TIMELESS: variants seen among roughly 807,000 people sequenced by gnomAD.
TIMELESS encodes the protein timeless circadian regulator, also known as protein timeless homolog.
TIMELESS carries 124 observed loss-of-function variants against 164.3 expected under a neutral mutation model. That is an observed-to-expected ratio of 0.75 (90% CI 0.65 to 0.88). The LOEUF is 0.88. TIMELESS is among the 40% of genes least tolerant of loss of function. The pLI, the probability that TIMELESS is intolerant of heterozygous loss-of-function variation, is 0.00. For missense variants in TIMELESS, 1,422 were observed against 1,491.4 expected (o/e 0.95, Z 0.77); for synonymous variants, 564 against 563.4 (o/e 1.00, Z -0.02).
chr12:56,418,142 G>A lies in TIMELESS; in HGVS notation c.3446C>T (p.Ser1149Phe). 1 of 1,614,222 alleles carries A rather than the reference G, an allele frequency of 6.2e-7. No homozygotes were observed. The highest frequency in any genetic ancestry group is 8.5e-7 in the Non-Finnish European group (1 of 1,180,036). Residue 1149 changes from serine to phenylalanine, a missense_variant, in exon 27 of 29, where the codon TCC becomes TTC. By Grantham distance (155) the Ser-to-Phe change is radical. Transcript: ENST00000553532. ...LAHKKKAGLA[S>F]PEEEDAVGKE... ...GGCTGTCGCACTATTACCCTCTGGG[G>A]ATGCCAGGCCCGCTTTCTTCTTGTG... is the stretch of plus-strand genomic sequence containing the variant.
At chr12:56,418,444 T>C (rs2643627) in intron 26 of TIMELESS, 85 bp from the exon 27 acceptor site, 946,718 of 952,944 alleles carry the variant, frequency 0.99, 470,503 homozygotes, top group East Asian at 1. Context: ...TATGACCCAA[T>C]ATTGGTGAAG....
intron 16 of TIMELESS, 25 bp from the exon 17 acceptor site, chr12:56,423,732 A>G (rs1881582883): frequency 6.2e-7 from 1 of 1,613,852 alleles, no homozygotes; most frequent in Non-Finnish European, 8.5e-7. Context: ...AGGATTACTG[A>G]GTCTCTGTTA....
intron 26 of TIMELESS, 100 bp downstream of exon 26, chr12:56,420,469 T>TA (rs1881428881): frequency 6.6e-6 from 4 of 606,826 alleles, no homozygotes; most frequent in Admixed American, 6.6e-5. Flanking sequence ...AAGATGACGA[T>TA]AAGGATAAGG....
At chr12:56,436,568 G>T (rs945791844) in intron 1 of TIMELESS, among the ~76,000 whole-genome samples, 4 of 152,194 alleles carry the variant, frequency 2.6e-5, no homozygotes, top group African/African-American at 9.7e-5. Context: ...TTGATGCTAT[G>T]CCAGAGTCAA....
intron 15 of TIMELESS, 59 bp from the exon 16 acceptor site, chr12:56,423,953 T>C: frequency 6.9e-7 from 1 of 1,449,254 alleles, no homozygotes; most frequent in Admixed American, 1.7e-5. Context: ...AAATTTATAA[T>C]TCGAAGTAGA....
intron 1 of TIMELESS, among the ~76,000 whole-genome samples, chr12:56,448,694 A>G (rs1868442411): frequency 1.3e-5 from 2 of 152,154 alleles, no homozygotes; most frequent in Non-Finnish European, 2.9e-5. Context: ...GCGCCACTGC[A>G]CTCCATCCTG....
intron 1 of TIMELESS, among the ~76,000 whole-genome samples, chr12:56,448,395 G>C (rs1433875848): frequency 1.3e-5 from 2 of 150,462 alleles, no homozygotes; most frequent in African/African-American, 2.5e-5. Context: ...GACAGAGCCA[G>C]ACTCCATCTC....
chr12:56,435,311 A>T (rs530515873), intron 1 of TIMELESS, among the ~76,000 whole-genome samples: 1 of 152,238 alleles, frequency 6.6e-6, no homozygotes, highest in South Asian at 2.1e-4. Context: ...GAGTGAATAG[A>T]AACTGGTACA....
intron 15 of TIMELESS, 95 bp from the exon 16 acceptor site, chr12:56,423,989 T>G: frequency 8.7e-7 from 1 of 1,148,026 alleles, no homozygotes; most frequent in African/African-American, 1.5e-5. Context: ...TTATTTCTTT[T>G]GTTGGCCAGA....
rs1868493319 is a variant in TIMELESS, at chr12:56,449,370, A to T, written c.-122T>A. Reference sequence around the variant, plus strand: ...CACCGGCCCTCTGGCGCGGGGCCGCAGCCTTTCCGCCACCAGGCTCAGCTG... The same window carrying T: ...CACCGGCCCTCTGGCGCGGGGCCGCTGCCTTTCCGCCACCAGGCTCAGCTG... On this transcript the variant is annotated 5_prime_UTR_variant, in exon 1 of 29. Coordinates refer to ENST00000553532, the MANE Select transcript of TIMELESS (RefSeq NM_003920.5). 6.6e-6 allele frequency: 1 copy of T among 152,226 alleles called. No homozygotes were observed. Among genetic ancestry groups the T allele is most frequent in the Non-Finnish European group, 1.5e-5 (1 of 68,046 alleles). 9.4% of individuals were successfully genotyped at this position (152,226 alleles called of 1,614,324 possible).
intron 1 of TIMELESS, among the ~76,000 whole-genome samples, chr12:56,439,607 T>TG (rs1868250049): frequency 6.6e-6 from 1 of 151,612 alleles, no homozygotes; most frequent in Non-Finnish European, 1.5e-5. Flanking sequence ...TTGCCCACAC[T>TG]GGTCTCAAAC....
intron 1 of TIMELESS, among the ~76,000 whole-genome samples, chr12:56,446,803 T>TC (rs1868357710): frequency 8.0e-6 from 1 of 124,548 alleles, no homozygotes; most frequent in Admixed American, 8.0e-5. Flanking sequence ...AGAGCAAAAC[T>TC]CCATCTCAAA....
Position 56,424,909 on chromosome 12 carries a change from G to A in TIMELESS, c.1721C>T (p.Ser574Phe). 6.2e-7 allele frequency: 1 copy of A among 1,614,210 alleles called. No individual in the cohort carries two copies. The highest frequency in any genetic ancestry group is 8.5e-7 in the Non-Finnish European group (1 of 1,180,036). The change falls in exon 15 of 29, where the codon TCT becomes TTT. Residue 574 changes from serine to phenylalanine, a missense_variant. Transcript: ENST00000553532. ...AEQLQCCAQN[S>F]ELSMDSVVPF... Reference sequence around the variant, plus strand: ...AACCACGGAGTCCATGCTGAGCTCAGAATTCTAGAGATGGATAAAGCTATG... The same window carrying A: ...AACCACGGAGTCCATGCTGAGCTCAAAATTCTAGAGATGGATAAAGCTATG...
chr12:56,437,117 C>T lies in TIMELESS; in HGVS notation c.-61-2886G>A, dbSNP rs191827750. On this transcript the variant is annotated intron_variant, in intron 1 of 28. Transcript: ENST00000553532. Reference sequence around the variant, plus strand: ...GCTAACTTTGTATTTTTAGTAGAGACGGGGTTTTACCATATTGGCCAGATG... The same window carrying T: ...GCTAACTTTGTATTTTTAGTAGAGATGGGGTTTTACCATATTGGCCAGATG... 7.2e-5 allele frequency among the ~76,000 whole-genome samples: 11 copies of T among 152,110 alleles called. No individual in the cohort carries two copies. In the East Asian group the frequency reaches 7.7e-4, roughly 11 times the overall value.
Position 56,424,889 on chromosome 12 carries a change from C to T in TIMELESS, c.1741G>A (p.Val581Met), listed in dbSNP as rs780865203. Residue 581 changes from valine to methionine, a missense_variant, in exon 15 of 29, where the codon GTG becomes ATG. By Grantham distance (21) the Val-to-Met change is conservative (BLOSUM62 1). Coordinates refer to ENST00000553532, the MANE Select transcript of TIMELESS (RefSeq NM_003920.5). ...AQNSELSMDS[V>M]VPFDAASEVP... ...TCTGAGGCCGCATCAAAGGGAACCA[C>T]GGAGTCCATGCTGAGCTCAGAATTC... 5 of 1,614,186 alleles carry T rather than the reference C, an allele frequency of 3.1e-6. No individual in the cohort carries two copies. The Admixed American group carries it at 6.7e-5, about 22-fold the overall frequency.
Position 56,448,177 on chromosome 12 carries a change from G to C in TIMELESS, c.-62+1133C>G, listed in dbSNP as rs74823498. Reference sequence around the variant, plus strand: ...TCCCAGCACTGTGGGAGGCCGACGCGGGCGGATCATTTGAGGTCAGGAGTT... The same window carrying C: ...TCCCAGCACTGTGGGAGGCCGACGCCGGCGGATCATTTGAGGTCAGGAGTT... On this transcript the variant is annotated intron_variant, in intron 1 of 28. Transcript: ENST00000553532. Among the ~76,000 whole-genome samples the C allele has an allele frequency of 5.3e-4, 81 of 152,162 alleles. 3 individuals carry two copies. The East Asian group carries it at 0.014, about 27-fold the overall frequency.
At chr12:56,428,744 G>T in intron 11 of TIMELESS, 92 bp from the exon 12 acceptor site, 1 of 1,446,740 alleles carries the variant, frequency 6.9e-7, no homozygotes. Flanking sequence ...AAAAAAATGT[G>T]CCACCCAAAC....
Position 56,422,138 on chromosome 12 carries a change from C to T in TIMELESS, c.2492G>A (p.Arg831Gln), listed in dbSNP as rs774047. Residue 831 changes from arginine (R) to glutamine (Q), a missense_variant, in exon 20 of 29, where the codon CGG becomes CAG. Arg to Gln is a conservative substitution (Grantham distance 43, BLOSUM62 1). Transcript: ENST00000553532. ...GTCCTTATTGGCGAGGTACAGCTCC[C>T]GAAGATGAGCCTCTTCTTCGGGGCT... ...TWSPEEEAHL[R>Q]ELYLANKDVE... 0.45 allele frequency: 728,570 copies of T among 1,613,714 alleles called. 170,547 individuals are homozygous for T. The highest frequency in any genetic ancestry group is 0.68 in the East Asian group (30,385 of 44,864).
Position 56,424,830 on chromosome 12 carries a change from C to A in TIMELESS, c.1800G>T (p.Met600Ile), listed in dbSNP as rs1186232342. Reference protein sequence around the residue: ...VPVEEQRAEAMVRIQDCLLAG... With the variant: ...VPVEEQRAEAIVRIQDCLLAG... ...CCAGGAGACAGTCTTGGATCCGTAC[C>A]ATAGCTTCTGCCCGCTGCTCCTCCA... The change falls in exon 15 of 29, where the codon ATG (methionine) becomes ATT (isoleucine). Residue 600 changes from methionine (M) to isoleucine (I), a missense_variant. Transcript: ENST00000553532. 1 of 1,614,210 alleles carries A rather than the reference C, an allele frequency of 6.2e-7. No homozygotes were observed. Among genetic ancestry groups the A allele is most frequent in the East Asian group, 2.2e-5 (1 of 44,882 alleles).
Sources: gnomAD v4.1 joint callset for allele counts (sites outside exome capture counted in the v4.1 genomes callset) on GRCh38, gnomAD v4.1.1 for gene constraint, MANE v1.5 for transcripts, NCBI Gene and HGNC (gene_info 2026-07-23, HGNC 2026-07-21) for gene names.